Variants in CAV1 observed in about 807,000 individuals in gnomAD.
CAV1 encodes the protein caveolin-1.
CAV1 carries 10 observed loss-of-function variants against 16.5 expected under a neutral mutation model. The ratio of observed to expected loss-of-function variants is 0.61; its 90% CI spans 0.37 to 1.03. CAV1 has a LOEUF of 1.03. CAV1 is among the 50% of genes least tolerant of loss of function. The pLI, the probability that CAV1 is intolerant of heterozygous loss-of-function variation, is 0.01. For missense variants in CAV1, 212 were observed against 232.8 expected (o/e 0.91, Z 0.58); for synonymous variants, 76 against 85.1 (o/e 0.89, Z 0.59).
chr7:116,545,813 G>A (rs939435190), intron 2 of CAV1, among the ~76,000 whole-genome samples: 3 of 152,192 alleles, frequency 2.0e-5, no homozygotes, highest in African/African-American at 4.8e-5. Flanking sequence ...CTTTAGTGTG[G>A]CAATCATTCA....
At chr7:116,537,009 C>CAA (rs753949130) in intron 2 of CAV1, among the ~76,000 whole-genome samples, 1,707 of 57,958 alleles carry the variant, frequency 0.029, 54 homozygotes, top group Middle Eastern at 0.068. Flanking sequence ...GACTCCGTCT[C>CAA]AAAAAAAAAA....
chr7:116,536,665 T>C (rs529808532), intron 2 of CAV1, among the ~76,000 whole-genome samples: 1 of 152,270 alleles, frequency 6.6e-6, no homozygotes, highest in African/African-American at 2.4e-5. Context: ...GGCATTTGTC[T>C]CTTTGTAGGC....
In CAV1 at chr7:116,560,894, T is replaced by G. The variant is rs979109070; in HGVS notation, c.*1607T>G. The G allele has an allele frequency of 1.3e-5, 2 of 152,660 alleles. No homozygotes were observed. The highest frequency in any genetic ancestry group is 4.8e-5 in the African/African-American group (2 of 41,466). 9.5% of individuals were successfully genotyped at this position (152,660 alleles called of 1,614,324 possible). A position where few individuals can be genotyped will look rare whatever the true frequency, so the allele number is the denominator to read the frequency against. On this transcript the variant is annotated 3_prime_UTR_variant, in exon 3 of 3. Transcript: ENST00000341049. ...TGGATATAGTTTTACTTTTAAACTG[T>G]GTACATAACTGAAAATGTGCTATAC...
At chr7:116,534,360 C>CAGAG (rs1387061469) in intron 2 of CAV1, among the ~76,000 whole-genome samples, 1 of 78,904 alleles carries the variant, frequency 1.3e-5, no homozygotes. Flanking sequence ...GGGCCCACCT[C>CAGAG]AGATATATAT....
At chr7:116,537,176 G>T (rs1474624172) in intron 2 of CAV1, among the ~76,000 whole-genome samples, 2 of 152,176 alleles carry the variant, frequency 1.3e-5, no homozygotes, top group African/African-American at 2.4e-5. Flanking sequence ...CTTTCAAGAA[G>T]ATTTAAATAA....
upstream of CAV1, chr7:116,525,035 C>T: frequency 6.2e-7 from 1 of 1,614,068 alleles, no homozygotes; most frequent in Non-Finnish European, 8.5e-7. Context: ...GAAACCTCCT[C>T]ACAGTTTTCA....
Position 116,559,541 on chromosome 7 carries a change from C to T in CAV1, c.*254C>T, listed in dbSNP as rs547782440. Reference sequence around the variant, plus strand: ...ACCTTTTTATTTGCATGTGGATCAACCATCGCTTTATTGGCTGAGATATGA... The same window carrying T: ...ACCTTTTTATTTGCATGTGGATCAATCATCGCTTTATTGGCTGAGATATGA... On this transcript the variant is annotated 3_prime_UTR_variant, in exon 3 of 3. Coordinates refer to ENST00000341049, the MANE Select transcript of CAV1 (RefSeq NM_001753.5). The T allele has an allele frequency of 1.7e-6, 1 of 594,022 alleles. No individual in the cohort carries two copies. Among genetic ancestry groups the T allele is most frequent in the South Asian group, 2.2e-5 (1 of 46,408 alleles). The allele number at this position is 594,022 out of a possible 1,614,324, so 36.8% of individuals were successfully genotyped here. A position where few individuals can be genotyped will look rare whatever the true frequency, so the allele number is the denominator to read the frequency against.
In CAV1 at chr7:116,559,080, G is replaced by A. The variant is rs759074741; in HGVS notation, c.330G>A (p.Pro110=). 13 of 1,613,766 alleles carry A rather than the reference G, an allele frequency of 8.1e-6. No homozygotes were observed. The highest frequency in any genetic ancestry group is 3.3e-5 in the Admixed American group (2 of 59,942). ...TGCTGTCTGCCCTCTTTGGCATCCC[G>A]ATGGCACTCATCTGGGGCATTTACT... The part of the protein sequence containing the change: ...YRLLSALFGI[P]MALIWGIYFA... The change falls in exon 3 of 3, where the codon CCG becomes CCA. Residue 110 remains proline, a synonymous_variant. Coordinates refer to ENST00000341049, the MANE Select transcript of CAV1 (RefSeq NM_001753.5).
chr7:116,536,973 G>A (rs1275218640), intron 2 of CAV1, among the ~76,000 whole-genome samples: 8 of 129,984 alleles, frequency 6.2e-5, no homozygotes, highest in South Asian at 2.5e-4. Context: ...ATTGCAGTCC[G>A]CAGTCCGGCC....
intron 2 of CAV1, among the ~76,000 whole-genome samples, chr7:116,548,175 CACTG>C (rs1466252701): frequency 2.0e-5 from 3 of 152,212 alleles, no homozygotes; most frequent in Admixed American, 6.5e-5. Flanking sequence ...GCCCTTGGAG[CACTG>C]ATTCATAATC....
chr7:116,545,707 C>T (rs1422246072), intron 2 of CAV1, among the ~76,000 whole-genome samples: 1 of 152,176 alleles, frequency 6.6e-6, no homozygotes, highest in Non-Finnish European at 1.5e-5. Flanking sequence ...AGCTGTAGTT[C>T]AAACAAATGT....
In CAV1 at chr7:116,526,705, C is replaced by A; in HGVS notation, c.195+16C>A. 1 of 1,613,918 alleles carries A rather than the reference C, an allele frequency of 6.2e-7. No homozygotes were observed. The highest frequency in any genetic ancestry group is 8.5e-7 in the Non-Finnish European group (1 of 1,179,972). On this transcript the variant is annotated intron_variant, in intron 2 of 2. Coordinates refer to ENST00000341049, the MANE Select transcript of CAV1 (RefSeq NM_001753.5). Reference sequence around the variant, plus strand: ...CGTGGTCAAGGTAAGCCAAGGCGACCAACAGGGAAGGGCTGGGACAGCTCT... The same window carrying A: ...CGTGGTCAAGGTAAGCCAAGGCGACAAACAGGGAAGGGCTGGGACAGCTCT...
chr7:116,541,893 C>T (rs935257755), intron 2 of CAV1, among the ~76,000 whole-genome samples: 1 of 152,064 alleles, frequency 6.6e-6, no homozygotes, highest in Non-Finnish European at 1.5e-5. Flanking sequence ...TATATAACTT[C>T]TCAAATCCTT....
chr7:116,546,710 A>G (rs1794058669), intron 2 of CAV1, among the ~76,000 whole-genome samples: 1 of 150,808 alleles, frequency 6.6e-6, no homozygotes, highest in South Asian at 2.1e-4. Flanking sequence ...AAAAAAAAAA[A>G]AAAAGTCTGC....
At chr7:116,540,877 C>T (rs749931875) in intron 2 of CAV1, among the ~76,000 whole-genome samples, 2 of 152,026 alleles carry the variant, frequency 1.3e-5, no homozygotes, top group African/African-American at 2.4e-5. Context: ...TGTGGAAAAC[C>T]AAGATGCCTG....
chr7:116,540,063 C>G (rs896006565), intron 2 of CAV1, among the ~76,000 whole-genome samples: 1 of 152,188 alleles, frequency 6.6e-6, no homozygotes, highest in Non-Finnish European at 1.5e-5. Context: ...GAAACCGAAG[C>G]CTCTGCTTCC....
chr7:116,557,479 A>G (rs1020515887), intron 2 of CAV1, among the ~76,000 whole-genome samples: 4 of 152,180 alleles, frequency 2.6e-5, no homozygotes, highest in Admixed American at 2.0e-4. Context: ...AAGCAGTTGC[A>G]CTGGCTCTGT....
Position 116,526,524 on chromosome 7 carries a change from G to A in CAV1, c.31-1G>A, listed in dbSNP as rs748257759. Reference sequence around the variant, plus strand: ...GGCCGTCCGCCCTCCGCCCTCTGCAGGGACATCTCTACACCGTTCCCATCC... The same window carrying A: ...GGCCGTCCGCCCTCCGCCCTCTGCAAGGACATCTCTACACCGTTCCCATCC... On this transcript the variant is annotated splice_acceptor_variant, in intron 1 of 2. Coordinates refer to ENST00000341049, the MANE Select transcript of CAV1 (RefSeq NM_001753.5). LOFTEE classifies it high-confidence loss of function. The A allele has an allele frequency of 1.2e-5, 20 of 1,613,950 alleles. No individual in the cohort carries two copies. Among genetic ancestry groups the A allele is most frequent in the Non-Finnish European group, 1.7e-5 (20 of 1,180,008 alleles).
At chr7:116,542,725 C>G (rs1168528926) in intron 2 of CAV1, 1 of 152,118 alleles carries the variant, frequency 6.6e-6, no homozygotes, top group Non-Finnish European at 1.5e-5. Flanking sequence ...TCTGTGGTTC[C>G]TTCCTTTCCT....
Sources: allele counts gnomAD v4.1 joint callset (sites outside exome capture counted in the v4.1 genomes callset), GRCh38; gene constraint gnomAD v4.1.1; transcripts MANE v1.5; gene names NCBI Gene and HGNC (gene_info 2026-07-23, HGNC 2026-07-21).